TTC23: variants seen among roughly 807,000 people sequenced by gnomAD.
TTC23 encodes the protein tetratricopeptide repeat protein 23.
A neutral mutation model predicts 55.1 loss-of-function variants in TTC23; 58 were observed. The ratio of observed to expected loss-of-function variants is 1.05; its 90% CI spans 0.85 to 1.31. The LOEUF (loss-of-function observed/expected upper bound fraction) is 1.31, where lower values mean the gene tolerates loss of function less well. Ranked by LOEUF, TTC23 falls within the 50% of genes most tolerant of loss-of-function variation. TTC23 has a pLI of 0.00. For synonymous variants in TTC23, 203 were observed against 199.9 expected, an observed-to-expected ratio of 1.02 and a Z score of -0.13; for missense variants, 516 against 534.4, an observed-to-expected ratio of 0.97 and a Z score of 0.34.
At chr15:99,146,579 A>G (rs1555493406) in intron 12 of TTC23, among the ~76,000 whole-genome samples, 2 of 152,174 alleles carry the variant, frequency 1.3e-5, no homozygotes, top group Admixed American at 1.3e-4. Flanking sequence ...GTCTGTCCAG[A>G]CCCACAGTTC....
chr15:99,215,783 G>GA (rs924891141), intron 8 of TTC23, among the ~76,000 whole-genome samples: 2 of 151,354 alleles, frequency 1.3e-5, no homozygotes, highest in African/African-American at 4.9e-5. Context: ...AAAAACAAAA[G>GA]AAAAAAATGT....
At chr15:99,208,330 C>A (rs2076783331) in intron 8 of TTC23, among the ~76,000 whole-genome samples, 1 of 151,922 alleles carries the variant, frequency 6.6e-6, no homozygotes, top group Non-Finnish European at 1.5e-5. Context: ...ATGAAAAACA[C>A]TAAATTTCAG....
chr15:99,217,878 T>C (rs2077597719), intron 8 of TTC23, among the ~76,000 whole-genome samples: 1 of 152,212 alleles, frequency 6.6e-6, no homozygotes. Context: ...ACATACAATC[T>C]AGTTAGGAAG....
rs539216767 is a variant in TTC23 at position 99,137,865 on chromosome 15, C to T, written c.*145G>A. On this transcript the variant is annotated 3_prime_UTR_variant, in exon 14 of 14. Coordinates refer to ENST00000394132, the MANE Select transcript of TTC23 (RefSeq NM_001288615.3). ...ATGTGGCCCACGGGAGGCTTATGGT[C>T]TCACTGTTGCATGTTGGGGCCAACA... is the stretch of plus-strand genomic sequence containing the variant. 57 of 1,332,344 alleles carry T rather than the reference C, an allele frequency of 4.3e-5. No homozygotes were observed. The East Asian group carries it at 1.3e-3, about 31-fold the overall frequency. The allele number at this position is 1,332,344 out of a possible 1,614,324, so 82.5% of individuals were successfully genotyped here.
At chr15:99,192,674 C>T (rs1257970459) in intron 9 of TTC23, among the ~76,000 whole-genome samples, 1 of 152,208 alleles carries the variant, frequency 6.6e-6, no homozygotes, top group Non-Finnish European at 1.5e-5. Flanking sequence ...TAGGGCAGTA[C>T]AGAAGGGAAA....
intron 8 of TTC23, among the ~76,000 whole-genome samples, chr15:99,201,207 A>C (rs1009476279): frequency 6.6e-6 from 1 of 152,226 alleles, no homozygotes; most frequent in Non-Finnish European, 1.5e-5. Flanking sequence ...TAAAGGTGGC[A>C]GTGCGAAAAT....
chr15:99,236,911 G>A (rs2079367437), intron 3 of TTC23, among the ~76,000 whole-genome samples: 1 of 151,078 alleles, frequency 6.6e-6, no homozygotes, highest in Admixed American at 6.6e-5. Flanking sequence ...CTTGGCCTCT[G>A]GTGCCATATC....
intron 4 of TTC23, among the ~76,000 whole-genome samples, 186 bp downstream of exon 4, chr15:99,234,802 T>A (rs1429190832): frequency 6.6e-6 from 1 of 152,166 alleles, no homozygotes; most frequent in Admixed American, 6.5e-5. Flanking sequence ...GAGACGTCAC[T>A]CATCAATTAG....
intron 12 of TTC23, among the ~76,000 whole-genome samples, chr15:99,146,780 T>C (rs1197060088): frequency 6.6e-6 from 1 of 152,276 alleles, no homozygotes; most frequent in Non-Finnish European, 1.5e-5. Context: ...GCACTGTGCC[T>C]GGGTGCCATA....
chr15:99,162,839 G>T (rs888842799), intron 10 of TTC23, among the ~76,000 whole-genome samples: 1 of 152,104 alleles, frequency 6.6e-6, no homozygotes, highest in African/African-American at 2.4e-5. Flanking sequence ...CAGCACTTTG[G>T]GAGGCCAAGG....
chr15:99,198,635 G>C (rs2075944454), intron 9 of TTC23, among the ~76,000 whole-genome samples: 1 of 152,102 alleles, frequency 6.6e-6, no homozygotes, highest in South Asian at 2.1e-4. Flanking sequence ...ATGTACTCCT[G>C]GGCATATCAC....
rs1472333379 is a variant in TTC23 at position 99,138,025 on chromosome 15, G to C, written c.1329C>G (p.Gly443=). The change falls in exon 14 of 14, where the codon GGC becomes GGG. Residue 443 remains glycine, a synonymous_variant. Transcript: ENST00000394132. ...GGTGGGGGCCTCAGTCTGCTGTTGTGCCGGGCCGGGCCTTCCCCAGCAGGG... is the reference window on the plus strand; with the variant it reads ...GGTGGGGGCCTCAGTCTGCTGTTGTCCCGGGCCGGGCCTTCCCCAGCAGGG... The part of the protein sequence containing the change: ...QDTLLGKARP[G]TTAD 1.9e-6 allele frequency: 3 copies of C among 1,613,978 alleles called. No homozygotes were observed. Among genetic ancestry groups the C allele is most frequent in the African/African-American group, 1.3e-5 (1 of 74,922 alleles).
At chr15:99,192,545 C>T (rs1486476241) in intron 9 of TTC23, among the ~76,000 whole-genome samples, 1 of 152,172 alleles carries the variant, frequency 6.6e-6, no homozygotes, top group Admixed American at 6.5e-5. Context: ...TGTGAATGCA[C>T]AGAAATCATG....
chr15:99,197,591 C>T (rs1034410708), intron 9 of TTC23, among the ~76,000 whole-genome samples: 1 of 151,994 alleles, frequency 6.6e-6, no homozygotes. Flanking sequence ...CTATGTCCTC[C>T]AAAACAGTGA....
chr15:99,162,722 G>A (rs1488409212), intron 10 of TTC23, among the ~76,000 whole-genome samples: 1 of 152,130 alleles, frequency 6.6e-6, no homozygotes, highest in African/African-American at 2.4e-5. Context: ...GATGGAACTT[G>A]TGAGTATGAA....
At chr15:99,211,824 C>G (rs563432824) in intron 8 of TTC23, among the ~76,000 whole-genome samples, 12 of 152,284 alleles carry the variant, frequency 7.9e-5, no homozygotes, top group African/African-American at 2.9e-4. Context: ...TGAACAAACA[C>G]TGATTTGAAC....
intron 3 of TTC23, among the ~76,000 whole-genome samples, chr15:99,236,104 G>A (rs1213489863): frequency 6.6e-6 from 1 of 152,166 alleles, no homozygotes; most frequent in African/African-American, 2.4e-5. Flanking sequence ...GAACATTAAT[G>A]TACAAGTATC....
intron 8 of TTC23, among the ~76,000 whole-genome samples, chr15:99,206,488 C>G (rs182508529): frequency 1.2e-4 from 18 of 152,166 alleles, no homozygotes; most frequent in Admixed American, 5.9e-4. Flanking sequence ...TATCTTGTTA[C>G]TTATTGGTTT....
chr15:99,206,163 C>G (rs183970161), intron 8 of TTC23, among the ~76,000 whole-genome samples: 1 of 152,222 alleles, frequency 6.6e-6, no homozygotes, highest in East Asian at 1.9e-4. Flanking sequence ...CCTTGCATCC[C>G]TGGGATGAAT....
Sources: allele counts gnomAD v4.1 joint callset (sites outside exome capture counted in the v4.1 genomes callset), GRCh38; gene constraint gnomAD v4.1.1; transcripts MANE v1.5; gene names NCBI Gene and HGNC (gene_info 2026-07-23, HGNC 2026-07-21).